Variants in PBX3 observed in about 807,000 individuals in gnomAD.
PBX3 encodes PBX homeobox 3.
In PBX3, 14 loss-of-function variants were observed where a neutral mutation model predicts 48.5. The ratio of observed to expected loss-of-function variants is 0.29; its 90% CI spans 0.19 to 0.45. The LOEUF (loss-of-function observed/expected upper bound fraction) is 0.45. PBX3 is among the 20% of genes least tolerant of loss of function. The probability of loss-of-function intolerance (pLI) is 1.00; values close to 1 mark genes in which losing one functional copy is unlikely to be tolerated. For synonymous variants in PBX3, 210 were observed against 200.3 expected (o/e 1.05, Z -0.41); for missense variants, 386 against 546.7 (o/e 0.71, Z 2.93).
intron 2 of PBX3, among the ~76,000 whole-genome samples, chr9:125,771,590 C>T (rs1836942083): frequency 1.3e-5 from 2 of 152,060 alleles, no homozygotes; most frequent in Admixed American, 1.3e-4. Context: ...CCTTCCCTCT[C>T]AGGACTAATT....
intron 2 of PBX3, among the ~76,000 whole-genome samples, chr9:125,783,680 C>T (rs1837383028): frequency 6.6e-6 from 1 of 152,084 alleles, no homozygotes; most frequent in African/African-American, 2.4e-5. Flanking sequence ...TTCATGGTTT[C>T]CTTTAGCTCT....
intron 5 of PBX3, among the ~76,000 whole-genome samples, chr9:125,950,910 C>T (rs1162877417): frequency 1.3e-5 from 2 of 152,072 alleles, no homozygotes; most frequent in African/African-American, 4.8e-5. Flanking sequence ...GTAGACCTCA[C>T]CACTTAATAC....
At chr9:125,846,202 G>A (rs925651795) in intron 2 of PBX3, among the ~76,000 whole-genome samples, 9 of 151,996 alleles carry the variant, frequency 5.9e-5, no homozygotes, top group Non-Finnish European at 8.8e-5. Flanking sequence ...GAAAAACACA[G>A]TTATAAATGC....
chr9:125,868,642 G>T (rs1283066843), intron 2 of PBX3, among the ~76,000 whole-genome samples: 3 of 152,170 alleles, frequency 2.0e-5, no homozygotes, highest in Non-Finnish European at 4.4e-5. Context: ...CAAAATCAGA[G>T]CTCTTCACAT....
intron 2 of PBX3, among the ~76,000 whole-genome samples, chr9:125,756,505 AT>A: frequency 6.6e-6 from 1 of 152,224 alleles, no homozygotes; most frequent in Non-Finnish European, 1.5e-5. Flanking sequence ...GCCTAACTGT[AT>A]TTGCTGGGTA....
At chr9:125,935,121 G>T (rs964873268) in intron 4 of PBX3, among the ~76,000 whole-genome samples, 11 of 152,026 alleles carry the variant, frequency 7.2e-5, no homozygotes, top group Non-Finnish European at 1.3e-4. Context: ...AGATATTTCT[G>T]TTTCAGAACT....
chr9:125,873,022 A>G (rs1840164481), intron 2 of PBX3, among the ~76,000 whole-genome samples: 1 of 151,510 alleles, frequency 6.6e-6, no homozygotes, highest in Admixed American at 6.6e-5. Context: ...ACACTGTGAA[A>G]CCCCGTCTCT....
intron 2 of PBX3, among the ~76,000 whole-genome samples, chr9:125,805,739 A>G (rs887122349): frequency 3.3e-5 from 5 of 152,178 alleles, no homozygotes; most frequent in Non-Finnish European, 5.9e-5. Context: ...CCTAAAATAG[A>G]AAGTACAGTG....
chr9:125,813,863 CA>C (rs1838372503), intron 2 of PBX3, among the ~76,000 whole-genome samples: 1 of 150,896 alleles, frequency 6.6e-6, no homozygotes, highest in Non-Finnish European at 1.5e-5. Context: ...TAGAGAAATA[CA>C]TACATAAACA....
intron 2 of PBX3, among the ~76,000 whole-genome samples, chr9:125,802,460 C>G (rs1837987387): frequency 6.7e-6 from 1 of 149,956 alleles, no homozygotes; most frequent in South Asian, 2.1e-4. Flanking sequence ...CTCCACCTCC[C>G]CAGGCTCAGG....
chr9:125,960,634 A>G (rs372070257), intron 5 of PBX3, 50 bp from the exon 6 acceptor site: 149 of 1,573,218 alleles, frequency 9.5e-5, no homozygotes, highest in Non-Finnish European at 7.2e-5. Context: ...TTGGAATTTG[A>G]TTACTTCTTC....
chr9:125,867,736 CTG>C (rs1840020263), intron 2 of PBX3, among the ~76,000 whole-genome samples: 1 of 149,394 alleles, frequency 6.7e-6, no homozygotes, highest in Non-Finnish European at 1.5e-5. Flanking sequence ...GATTGTCTTT[CTG>C]TCTCTCTCTC....
intron 2 of PBX3, among the ~76,000 whole-genome samples, chr9:125,756,708 T>A (rs1220692666): frequency 2.0e-5 from 3 of 152,156 alleles, no homozygotes; most frequent in Admixed American, 6.5e-5. Flanking sequence ...GGTGTGCATG[T>A]GTGATGCCTG....
intron 2 of PBX3, among the ~76,000 whole-genome samples, chr9:125,814,315 T>C (rs1451324137): frequency 1.3e-5 from 2 of 152,066 alleles, no homozygotes; most frequent in Non-Finnish European, 2.9e-5. Context: ...TCTAACTTTG[T>C]ATAGATTTTA....
At chr9:125,767,221 G>A (rs570730113) in intron 2 of PBX3, among the ~76,000 whole-genome samples, 1 of 152,252 alleles carries the variant, frequency 6.6e-6, no homozygotes, top group South Asian at 2.1e-4. Flanking sequence ...TTAGTTGCAG[G>A]TGACCGGTGA....
At chr9:125,940,828 T>G (rs1841945311) in intron 5 of PBX3, among the ~76,000 whole-genome samples, 1 of 152,206 alleles carries the variant, frequency 6.6e-6, no homozygotes, top group South Asian at 2.1e-4. Flanking sequence ...TAGTTATTTT[T>G]GGGGGAATGG....
chr9:125,773,255 GAGAA>G (rs1391809756), intron 2 of PBX3, among the ~76,000 whole-genome samples: 1 of 152,162 alleles, frequency 6.6e-6, no homozygotes, highest in Non-Finnish European at 1.5e-5. Flanking sequence ...ACTGAAAAAT[GAGAA>G]GGAAGGATTA....
intron 8 of PBX3, among the ~76,000 whole-genome samples, chr9:125,965,040 C>T (rs1365651849): frequency 2.6e-5 from 4 of 152,252 alleles, no homozygotes; most frequent in Admixed American, 6.5e-5. Flanking sequence ...ACTCACGAGG[C>T]TGGCACCTCC....
chr9:125,909,736 T>G (rs1268082849), intron 2 of PBX3, among the ~76,000 whole-genome samples: 1 of 152,080 alleles, frequency 6.6e-6, no homozygotes, highest in African/African-American at 2.4e-5. Context: ...CTTTAAATGG[T>G]TTTCCTCTTC....
Sources: gnomAD v4.1 joint callset for allele counts (sites outside exome capture counted in the v4.1 genomes callset) on GRCh38, gnomAD v4.1.1 for gene constraint, MANE v1.5 for transcripts, NCBI Gene and HGNC (gene_info 2026-07-23, HGNC 2026-07-21) for gene names.